Variants in HTR3B observed in about 807,000 individuals in gnomAD.
HTR3B encodes 5-hydroxytryptamine (serotonin) receptor 3B, ionotropic.
Under a neutral mutation model 42.8 loss-of-function variants are expected in HTR3B, and 44 were observed. That is an observed-to-expected ratio of 1.03 (90% CI 0.81 to 1.32). HTR3B has a LOEUF of 1.32. Among genes scored for constraint, HTR3B ranks in the 40% most tolerant of loss-of-function variants. HTR3B has a pLI of 0.00. For missense variants in HTR3B, 527 were observed against 536.5 expected (o/e 0.98, Z 0.17); for synonymous variants, 203 against 209.0 (o/e 0.97, Z 0.25).
chr11:113,906,983 A>C (rs1229304005), intron 1 of HTR3B, among the ~76,000 whole-genome samples: 1 of 152,194 alleles, frequency 6.6e-6, no homozygotes. Context: ...TTATAATCCT[A>C]CAGATACATA....
intron 6 of HTR3B, among the ~76,000 whole-genome samples, chr11:113,933,775 T>C (rs1950062652): frequency 6.6e-6 from 1 of 152,158 alleles, no homozygotes; most frequent in Non-Finnish European, 1.5e-5. Context: ...GAGGCAGCCA[T>C]TGTCCCATCT....
intron 2 of HTR3B, among the ~76,000 whole-genome samples, chr11:113,910,482 C>T (rs976399274): frequency 1.3e-5 from 2 of 151,540 alleles, no homozygotes; most frequent in African/African-American, 2.4e-5. Flanking sequence ...TCTCTGTCAC[C>T]CAGGCTGGAG....
At chr11:113,938,575 G>C (rs1431439549) in intron 6 of HTR3B, among the ~76,000 whole-genome samples, 1 of 152,160 alleles carries the variant, frequency 6.6e-6, no homozygotes, top group East Asian at 1.9e-4. Flanking sequence ...ATTTAGGATA[G>C]TACCAGACAA....
rs1317549500 is a variant in HTR3B at position 113,947,896 on chromosome 11, TG to T, written c.*1760del. Among the ~76,000 whole-genome samples, 1 of 152,174 alleles carries T rather than the reference TG, an allele frequency of 6.6e-6. No individual in the cohort carries two copies. The highest frequency in any genetic ancestry group is 2.4e-5 in the African/African-American group (1 of 41,428). On this transcript the variant is annotated 3_prime_UTR_variant, in exon 9 of 9. Coordinates refer to ENST00000260191, the MANE Select transcript of HTR3B (RefSeq NM_006028.5). ...GGAGACCTGCTGACAGTCTTAACGC[TG>T]TCAGTAGAAGACACAAAAGTCCAAA...
chr11:113,927,505 CAT>C (rs1361635242), intron 2 of HTR3B, among the ~76,000 whole-genome samples: 1 of 151,994 alleles, frequency 6.6e-6, no homozygotes, highest in East Asian at 1.9e-4. Flanking sequence ...TTTCTCTGCA[CAT>C]GTTTTCTTAT....
At chr11:113,941,549 T>G (rs1308774448) in intron 6 of HTR3B, among the ~76,000 whole-genome samples, 1 of 152,096 alleles carries the variant, frequency 6.6e-6, no homozygotes, top group Non-Finnish European at 1.5e-5. Flanking sequence ...GCAGGACAGC[T>G]TCAGGCGGCC....
rs1200364791 is a variant in HTR3B, at chr11:113,947,315, C to G, written c.*1178C>G. ...AGGTGCCAAGGCTTCTAAGCCCAGT[C>G]TAGCACATCATTTAGTCCACACACA... On this transcript the variant is annotated 3_prime_UTR_variant, in exon 9 of 9. Transcript: ENST00000260191. Among the ~76,000 whole-genome samples, 7 of 152,170 alleles carry G rather than the reference C, an allele frequency of 4.6e-5. No individual in the cohort carries two copies. Among genetic ancestry groups the G allele is most frequent in the Non-Finnish European group, 1.0e-4 (7 of 68,030 alleles).
At chr11:113,911,900 C>G (rs971147540) in intron 2 of HTR3B, among the ~76,000 whole-genome samples, 1 of 152,246 alleles carries the variant, frequency 6.6e-6, no homozygotes. Flanking sequence ...TAGTCCATCC[C>G]CATCCTCTTC....
chr11:113,914,254 G>T (rs1300012427), intron 2 of HTR3B, among the ~76,000 whole-genome samples: 1 of 151,772 alleles, frequency 6.6e-6, no homozygotes, highest in Non-Finnish European at 1.5e-5. Flanking sequence ...GATCACCTGA[G>T]GTCAGGAGTT....
rs189449147 is a variant in HTR3B, at chr11:113,947,228, C to T, written c.*1091C>T. Among the ~76,000 whole-genome samples the T allele has an allele frequency of 2.6e-5, 4 of 152,154 alleles. No homozygotes were observed. Among genetic ancestry groups the T allele is most frequent in the East Asian group, 1.9e-4 (1 of 5,182 alleles). ...AAGCAATTCCCCTGCCTCAGCCTCCCGAGTAGCTGGAACTACAGGTGCATG... is the reference window on the plus strand; with the variant it reads ...AAGCAATTCCCCTGCCTCAGCCTCCTGAGTAGCTGGAACTACAGGTGCATG... On this transcript the variant is annotated 3_prime_UTR_variant, in exon 9 of 9. Transcript: ENST00000260191.
At chr11:113,937,925 G>T (rs1046103839) in intron 6 of HTR3B, among the ~76,000 whole-genome samples, 1 of 152,190 alleles carries the variant, frequency 6.6e-6, no homozygotes, top group Admixed American at 6.5e-5. Context: ...CTTGGGCAGG[G>T]TTGGTTCCTT....
In HTR3B at chr11:113,921,539, G is replaced by A. The variant is rs983396744; in HGVS notation, c.214-9845G>A. 8.6e-5 allele frequency among the ~76,000 whole-genome samples: 13 copies of A among 151,306 alleles called. No homozygotes were observed. In the South Asian group the frequency reaches 2.1e-3, roughly 24 times the overall value. On this transcript the variant is annotated intron_variant, in intron 2 of 8. Transcript: ENST00000260191. ...GAGGCTGAGGCAGGAGAATCGCTTG[G>A]ACCCAGGAGGCAGAGATTGCAGTGA...
At chr11:113,912,833 T>C (rs889890011) in intron 2 of HTR3B, among the ~76,000 whole-genome samples, 8 of 151,992 alleles carry the variant, frequency 5.3e-5, no homozygotes, top group African/African-American at 1.7e-4. Context: ...ATTGGCTACT[T>C]ATAAATTTTT....
In HTR3B at chr11:113,947,971, A is replaced by G. The variant is rs1950191990; in HGVS notation, c.*1834A>G. The stretch of plus-strand genomic sequence containing the variant: ...CAGCACTAAAATTGCCTTTAGAAAA[A>G]TCTGCCCCCCTCCATCCCCCCAAAG... On this transcript the variant is annotated 3_prime_UTR_variant, in exon 9 of 9. Coordinates refer to ENST00000260191, the MANE Select transcript of HTR3B (RefSeq NM_006028.5). Among the ~76,000 whole-genome samples the G allele has an allele frequency of 6.6e-6, 1 of 152,030 alleles. No homozygotes were observed. Among genetic ancestry groups the G allele is most frequent in the African/African-American group, 2.4e-5 (1 of 41,384 alleles).
At chr11:113,899,242 T>A in the HTR3B span, among the ~76,000 whole-genome samples, 2 of 152,198 alleles carry the variant, frequency 1.3e-5, no homozygotes, top group Non-Finnish European at 2.9e-5. Context: ...GCATTATTAT[T>A]AAAAATGAAA....
At chr11:113,905,099 C>T (rs191822247) in intron 1 of HTR3B, 114 bp downstream of exon 1, 5 of 729,716 alleles carry the variant, frequency 6.9e-6, no homozygotes, top group African/African-American at 3.6e-5. Context: ...TTTTATTCAT[C>T]GTCTGTAAAA....
intron 1 of HTR3B, chr11:113,908,985 A>G (rs1174110057): frequency 2.0e-6 from 1 of 501,854 alleles, no homozygotes; most frequent in Non-Finnish European, 3.5e-6. Flanking sequence ...TGATACAGGA[A>G]TAAAGAAATT....
chr11:113,942,543 A>C (rs1019846583), intron 6 of HTR3B, among the ~76,000 whole-genome samples: 1 of 152,252 alleles, frequency 6.6e-6, no homozygotes, highest in Non-Finnish European at 1.5e-5. Flanking sequence ...TTTCTCACTT[A>C]CCAGCTGGGT....
At chr11:113,942,920 T>G (rs1474402581) in intron 6 of HTR3B, 62 bp from the exon 7 acceptor site, 1 of 1,442,036 alleles carries the variant, frequency 6.9e-7, no homozygotes, top group Non-Finnish European at 9.7e-7. Context: ...GCTATGAATT[T>G]GGCCAAATCT....
Sources: gnomAD v4.1 joint callset for allele counts (sites outside exome capture counted in the v4.1 genomes callset) on GRCh38, gnomAD v4.1.1 for gene constraint, MANE v1.5 for transcripts, NCBI Gene and HGNC (gene_info 2026-07-23, HGNC 2026-07-21) for gene names.